The following GRIA3 variants were observed in gnomAD, a reference collection of about 807,000 sequenced individuals.
GRIA3 encodes glutamate ionotropic receptor AMPA type subunit 3.
A neutral mutation model predicts 63.0 loss-of-function variants in GRIA3; 3 were observed. The observed-to-expected ratio is 0.05, with a 90% CI of 0.02 to 0.12. The LOEUF (loss-of-function observed/expected upper bound fraction) is 0.12. Among genes scored for constraint, GRIA3 ranks in the 10% least tolerant of loss-of-function variants. The pLI is 1.00. For synonymous variants in GRIA3, 274 were observed against 257.9 expected (o/e 1.06, Z -0.60); for missense variants, 347 against 700.9 (o/e 0.50, Z 5.70).
At position 123,248,807 on chromosome X, in the gene GRIA3, A is replaced by C. The variant is rs909991226; in HGVS notation, c.269-4496A>C. ...ATCTCAAAAAAAGAAAGAAAGAAAG[A>C]AAAAAAGAGAAATGGGTGTGCTTCA... On this transcript the variant is annotated intron_variant, in intron 2 of 15. Transcript: ENST00000620443. Among the ~76,000 whole-genome samples the C allele has an allele frequency of 5.4e-5, 6 of 111,622 alleles. No homozygotes were observed. In the Admixed American group the frequency reaches 5.7e-4, roughly 11 times the overall value.
At chrX:123,282,727 G>A (rs1364376681) in intron 3 of GRIA3, among the ~76,000 whole-genome samples, 1 of 112,413 alleles carries the variant, frequency 8.9e-6, no homozygotes, top group Non-Finnish European at 1.9e-5. Context: ...CCAACATGGC[G>A]AAACCCTGTC....
intron 12 of GRIA3, among the ~76,000 whole-genome samples, chrX:123,439,738 G>A (rs944690210): frequency 9.1e-6 from 1 of 110,449 alleles, no homozygotes; most frequent in Non-Finnish European, 1.9e-5. Context: ...AAAATAGTCT[G>A]TTAGTTATCT....
chrX:123,418,474 C>T (rs769074310), intron 11 of GRIA3, among the ~76,000 whole-genome samples: 11 of 111,437 alleles, frequency 9.9e-5, no homozygotes, highest in Non-Finnish European at 2.1e-4. Context: ...AAAAAAAACC[C>T]GACTGGGAGA....
At chrX:123,306,845 G>A (rs1237663166) in intron 3 of GRIA3, among the ~76,000 whole-genome samples, 1 of 111,898 alleles carries the variant, frequency 8.9e-6, no homozygotes, top group Non-Finnish European at 1.9e-5. Flanking sequence ...TGGGGCACAA[G>A]CTGATCACAC....
chrX:123,418,475 G>A (rs189975671), intron 11 of GRIA3, among the ~76,000 whole-genome samples: 9 of 111,325 alleles, frequency 8.1e-5, no homozygotes, highest in Admixed American at 5.7e-4. Context: ...AAAAAAACCC[G>A]ACTGGGAGAA....
chrX:123,473,714 A>C (rs1226787575), intron 13 of GRIA3, among the ~76,000 whole-genome samples: 1 of 112,016 alleles, frequency 8.9e-6, no homozygotes, highest in Non-Finnish European at 1.9e-5. Context: ...AACTTAGAGC[A>C]AGGGTTTGGT....
At chrX:123,257,641 C>T (rs2044427153) in intron 3 of GRIA3, among the ~76,000 whole-genome samples, 1 of 107,702 alleles carries the variant, frequency 9.3e-6, no homozygotes, top group Non-Finnish European at 1.9e-5. Context: ...GGAGAAATTA[C>T]AATAGAAAAT....
chrX:123,223,958 A>T (rs748472015), intron 2 of GRIA3, among the ~76,000 whole-genome samples: 2 of 111,536 alleles, frequency 1.8e-5, no homozygotes, highest in Non-Finnish European at 3.8e-5. Flanking sequence ...AAGAGTAATC[A>T]TCTCACCTTG....
intron 4 of GRIA3, among the ~76,000 whole-genome samples, chrX:123,328,386 T>A (rs989283631): frequency 1.2e-4 from 13 of 112,523 alleles, no homozygotes; most frequent in African/African-American, 3.9e-4. Flanking sequence ...TCCTTTCTTC[T>A]ATACGCACAT....
rs1167058263 is a variant in GRIA3, at chrX:123,482,890, T to C, written c.2531T>C (p.Ile844Thr). 3.9e-5 allele frequency: 47 copies of C among 1,209,065 alleles called. No homozygotes were observed. Among genetic ancestry groups the C allele is most frequent in the Non-Finnish European group, 5.1e-5 (46 of 894,897 alleles). ...GGGCTGGCCATGATGGTGGCTTTGA[T>C]AGAATTCTGTTACAAATCACGGGCA... ...GLGLAMMVALIEFCYKSRAES... is the reference protein window; with the variant it reads ...GLGLAMMVALTEFCYKSRAES... Residue 844 changes from isoleucine to threonine, a missense_variant, in exon 15 of 16, where the codon ATA (isoleucine) becomes ACA (threonine). Ile to Thr is a moderately conservative substitution (Grantham distance 89). Around this residue, in one of 8 missense-constraint regions of GRIA3, gnomAD observed 29 missense variants for 46.7 expected, o/e 0.62. Transcript: ENST00000620443.
Position 123,184,598 on chromosome X carries a change from G to C in GRIA3, c.63G>C (p.Gly21=), listed in dbSNP as rs766803300. The C allele has an allele frequency of 2.5e-6, 3 of 1,206,739 alleles. No homozygotes were observed. The highest frequency in any genetic ancestry group is 3.5e-5 in the African/African-American group (2 of 56,691). ...GGGCGGTCTTCTTTTTAGTCCTGGG[G>C]CTTTTGGGTCATTCTCACGGAGGAT... ...VLRAVFFLVL[G]LLGHSHGGFP... The change falls in exon 1 of 16, where the codon GGG becomes GGC. Residue 21 remains glycine (G), a synonymous_variant. Transcript: ENST00000620443.
At chrX:123,329,470 C>CT (rs1278198804) in intron 4 of GRIA3, among the ~76,000 whole-genome samples, 1 of 111,789 alleles carries the variant, frequency 8.9e-6, no homozygotes, top group Admixed American at 9.5e-5. Flanking sequence ...CCCCAAACCT[C>CT]TTTTTCTTTT....
intron 2 of GRIA3, among the ~76,000 whole-genome samples, chrX:123,196,267 C>T (rs1236941637): frequency 9.0e-6 from 1 of 111,563 alleles, no homozygotes; most frequent in Non-Finnish European, 1.9e-5. Context: ...GAGTTGTAAA[C>T]TAACCTAACC....
In GRIA3 at chrX:123,260,402, A is replaced by AAGAC. The variant is rs766545795; in HGVS notation, c.508+6884_508+6887dup. 2.0e-3 allele frequency among the ~76,000 whole-genome samples: 45 copies of AAGAC among 22,003 alleles called. 4 individuals carry two copies. The highest frequency in any genetic ancestry group is 6.4e-3 in the African/African-American group (39 of 6,132). 19.1% of individuals were successfully genotyped at this position (22,003 alleles called of 115,157 possible). ...GGGTATCTCAATTATGAAAGAAAGA[A>AAGAC]AGACAGACAGACAGACAGACAGACA... On this transcript the variant is annotated intron_variant, in intron 3 of 15. Coordinates refer to ENST00000620443, the MANE Select transcript of GRIA3 (RefSeq NM_007325.5).
chrX:123,428,238 T>C (rs1359408780), intron 12 of GRIA3, 99 bp downstream of exon 12: 1 of 594,902 alleles, frequency 1.7e-6, no homozygotes, highest in Non-Finnish European at 2.9e-6. Flanking sequence ...TGGGAAAGAG[T>C]GGGAATGTTA....
At chrX:123,253,243 T>C in intron 2 of GRIA3, 60 bp from the exon 3 acceptor site, 2 of 1,179,563 alleles carry the variant, frequency 1.7e-6, no homozygotes, top group Non-Finnish European at 2.3e-6. Context: ...TTTCTAACCC[T>C]ACAAGTTGCA....
At chrX:123,310,198 C>T (rs1240767190) in intron 3 of GRIA3, among the ~76,000 whole-genome samples, 1 of 112,928 alleles carries the variant, frequency 8.9e-6, no homozygotes, top group Non-Finnish European at 1.9e-5. Context: ...AGAAGTCCAT[C>T]TCAAGAGTTG....
At chrX:123,277,524 T>G (rs992566893) in intron 3 of GRIA3, among the ~76,000 whole-genome samples, 94 of 111,421 alleles carry the variant, frequency 8.4e-4, no homozygotes, top group African/African-American at 3.0e-3. Flanking sequence ...GGATTTCCTC[T>G]CTGAGAATAG....
chrX:123,192,033 G>A (rs1927448323), intron 2 of GRIA3, among the ~76,000 whole-genome samples: 1 of 111,097 alleles, frequency 9.0e-6, no homozygotes, highest in Non-Finnish European at 1.9e-5. Flanking sequence ...GCTGGCTTTG[G>A]TCATAGAAGA....
Sources: allele counts gnomAD v4.1 joint callset (sites outside exome capture counted in the v4.1 genomes callset), GRCh38; gene constraint gnomAD v4.1.1; regional missense constraint gnomAD v4.1.1; transcripts MANE v1.5; gene names NCBI Gene and HGNC (gene_info 2026-07-23, HGNC 2026-07-21).